The following CEP83 variants were observed in gnomAD, a reference collection of about 807,000 sequenced individuals.
CEP83 encodes the protein centrosomal protein of 83 kDa.
In CEP83, 70 loss-of-function variants were observed where a neutral mutation model predicts 101.9. That is an observed-to-expected ratio of 0.69 (90% CI 0.57 to 0.84). The LOEUF is 0.84. Among genes scored for constraint, CEP83 ranks in the 40% least tolerant of loss-of-function variants. The pLI is 0.00. For missense variants in CEP83, 715 were observed against 787.2 expected (o/e 0.91, Z 1.10); for synonymous variants, 264 against 267.9 (o/e 0.99, Z 0.14).
intron 6 of CEP83, among the ~76,000 whole-genome samples, chr12:94,384,955 T>C (rs1056444633): frequency 6.6e-6 from 1 of 152,176 alleles, no homozygotes; most frequent in African/African-American, 2.4e-5. Flanking sequence ...TGACAAGCAA[T>C]TTTCAATGGA....
At chr12:94,444,375 G>A (rs2138439268) in intron 1 of CEP83, among the ~76,000 whole-genome samples, 1 of 152,226 alleles carries the variant, frequency 6.6e-6, no homozygotes, top group East Asian at 1.9e-4. Flanking sequence ...TCCAGCCTGG[G>A]CAACAAGAAC....
At chr12:94,367,708 G>T in intron 11 of CEP83, 86 bp downstream of exon 11, 1 of 868,024 alleles carries the variant, frequency 1.2e-6, no homozygotes, top group Non-Finnish European at 1.7e-6. Context: ...GAGCACATGG[G>T]AATTCTTTGT....
the CEP83 span, among the ~76,000 whole-genome samples, chr12:94,270,561 G>T: frequency 6.6e-6 from 1 of 152,044 alleles, no homozygotes; most frequent in African/African-American, 2.4e-5. Flanking sequence ...TGAAACTCAT[G>T]GGGCTCTTTG....
Position 94,352,454 on chromosome 12 carries a change from C to T in CEP83, c.1343+15340G>A, listed in dbSNP as rs149641715. ...AAAAAAAGAAACATGAAAAAGAAAA[C>T]ATGACACCTCAAATGGAACCCAATA... On this transcript the variant is annotated intron_variant, in intron 11 of 16. Coordinates refer to ENST00000397809, the MANE Select transcript of CEP83 (RefSeq NM_016122.3). Among the ~76,000 whole-genome samples the T allele has an allele frequency of 2.2e-3, 323 of 145,930 alleles. 1 individual carries two copies. Among genetic ancestry groups the T allele is most frequent in the African/African-American group, 7.6e-3 (305 of 40,208 alleles).
At chr12:94,333,434 T>A (rs1337045895) in intron 13 of CEP83, 48 bp downstream of exon 13, 5 of 1,528,612 alleles carry the variant, frequency 3.3e-6, no homozygotes, top group African/African-American at 1.4e-5. Context: ...AAGTACATGT[T>A]ATATAGAAAA....
chr12:94,381,738 A>T (rs2061861709), intron 6 of CEP83, among the ~76,000 whole-genome samples: 1 of 152,114 alleles, frequency 6.6e-6, no homozygotes, highest in Non-Finnish European at 1.5e-5. Context: ...TACTTGTAAA[A>T]ATAAGTCTGT....
At chr12:94,304,304 C>G (rs552031521), downstream of CEP83, 6 of 354,592 alleles carry the variant, frequency 1.7e-5, no homozygotes, top group East Asian at 2.7e-4. Flanking sequence ...TACAGCCACC[C>G]TGACTCAAGT....
At chr12:94,351,807 C>T (rs2060210451) in intron 11 of CEP83, among the ~76,000 whole-genome samples, 1 of 152,204 alleles carries the variant, frequency 6.6e-6, no homozygotes, top group South Asian at 2.1e-4. Flanking sequence ...AGCCACCATA[C>T]CCAATGAGCA....
At chr12:94,326,874 C>A (rs1187737621) in intron 14 of CEP83, among the ~76,000 whole-genome samples, 1 of 152,210 alleles carries the variant, frequency 6.6e-6, no homozygotes, top group Non-Finnish European at 1.5e-5. Flanking sequence ...GATGCTCCTG[C>A]TGGCACTCTG....
At chr12:94,412,943 C>G (rs1464693102) in intron 2 of CEP83, among the ~76,000 whole-genome samples, 1 of 151,988 alleles carries the variant, frequency 6.6e-6, no homozygotes, top group Non-Finnish European at 1.5e-5. Flanking sequence ...ACCTCCGCCT[C>G]CCGGGTTCAC....
chr12:94,438,607 T>C (rs887418747), intron 1 of CEP83, among the ~76,000 whole-genome samples: 1 of 152,110 alleles, frequency 6.6e-6, no homozygotes, highest in Non-Finnish European at 1.5e-5. Flanking sequence ...GAGACTTCAA[T>C]ACTCCACTAA....
chr12:94,271,718 G>A, the CEP83 span, among the ~76,000 whole-genome samples: 4 of 152,196 alleles, frequency 2.6e-5, no homozygotes, highest in South Asian at 6.2e-4. Flanking sequence ...CATCTTTCCT[G>A]GTGTGAAGTA....
At chr12:94,442,136 T>TAA (rs1364740066) in intron 1 of CEP83, among the ~76,000 whole-genome samples, 2 of 151,834 alleles carry the variant, frequency 1.3e-5, no homozygotes, top group African/African-American at 2.4e-5. Context: ...TATATATATA[T>TAA]AATGCAATAC....
chr12:94,367,705 TG>T, intron 11 of CEP83, 88 bp downstream of exon 11: 1 of 826,468 alleles, frequency 1.2e-6, no homozygotes, highest in Non-Finnish European at 1.8e-6. Flanking sequence ...GAAGAGCACA[TG>T]GGAATTCTTT....
intron 7 of CEP83, among the ~76,000 whole-genome samples, chr12:94,377,304 T>G (rs2061603381): frequency 6.6e-6 from 1 of 152,184 alleles, no homozygotes; most frequent in African/African-American, 2.4e-5. Context: ...CATGACCACA[T>G]GACTGACTGG....
At chr12:94,451,283 T>C (rs1403975329) in intron 1 of CEP83, among the ~76,000 whole-genome samples, 1 of 152,082 alleles carries the variant, frequency 6.6e-6, no homozygotes, top group African/African-American at 2.4e-5. Context: ...AACATGAAAG[T>C]ACGTGCCACA....
intron 6 of CEP83, among the ~76,000 whole-genome samples, chr12:94,388,760 C>A (rs932056458): frequency 1.3e-5 from 2 of 152,092 alleles, no homozygotes; most frequent in Non-Finnish European, 2.9e-5. Context: ...CATTTTAATT[C>A]TGTGTGTTAT....
chr12:94,369,072 T>C (rs2061164405), intron 9 of CEP83: 1 of 152,184 alleles, frequency 6.6e-6, no homozygotes, highest in Non-Finnish European at 1.5e-5. Flanking sequence ...AGGCCAAAGG[T>C]AAGCTTATTT....
At chr12:94,279,040 G>A in the CEP83 span, among the ~76,000 whole-genome samples, 1 of 151,426 alleles carries the variant, frequency 6.6e-6, no homozygotes, top group Non-Finnish European at 1.5e-5. Flanking sequence ...TGGGGACCTC[G>A]TAACCTTCCC....
Sources: gnomAD v4.1 joint callset for allele counts (sites outside exome capture counted in the v4.1 genomes callset) on GRCh38, gnomAD v4.1.1 for gene constraint, MANE v1.5 for transcripts, NCBI Gene and HGNC (gene_info 2026-07-23, HGNC 2026-07-21) for gene names.